STPG2: variants seen among roughly 807,000 people sequenced by gnomAD.
STPG2 encodes the protein sperm-tail PG-rich repeat-containing protein 2.
A neutral mutation model predicts 54.2 loss-of-function variants in STPG2; 56 were observed. That is an observed-to-expected ratio of 1.03 (90% CI 0.83 to 1.29). STPG2 has a LOEUF of 1.29. Ranked by LOEUF, STPG2 falls within the 50% of genes most tolerant of loss-of-function variation. The pLI is 0.00. For synonymous variants in STPG2, 200 were observed against 181.8 expected (o/e 1.10, Z -0.81); for missense variants, 596 against 544.9 (o/e 1.09, Z -0.93).
At chr4:97,798,096 G>C (rs1488060103) in intron 9 of STPG2, among the ~76,000 whole-genome samples, 1 of 151,962 alleles carries the variant, frequency 6.6e-6, no homozygotes, top group East Asian at 1.9e-4. Flanking sequence ...ACTCTTGCTA[G>C]TGGTCTATCA....
chr4:97,985,959 CACACACACACAT>C (rs1734816834), intron 5 of STPG2, among the ~76,000 whole-genome samples: 1 of 145,228 alleles, frequency 6.9e-6, no homozygotes, highest in South Asian at 2.2e-4. Flanking sequence ...AACACACACA[CACACACACACAT>C]ACACACACAC....
At chr4:97,485,286 T>C (rs1398022897) in intron 4 of STPG2, among the ~76,000 whole-genome samples, 1 of 151,750 alleles carries the variant, frequency 6.6e-6, no homozygotes, top group South Asian at 2.1e-4. Context: ...TTGCTGACGA[T>C]ATGATTGTTT....
intron 8 of STPG2, among the ~76,000 whole-genome samples, chr4:97,927,680 T>G (rs1732387063): frequency 6.6e-6 from 1 of 152,076 alleles, no homozygotes; most frequent in Admixed American, 6.6e-5. Flanking sequence ...CAGAGGAAAG[T>G]GCCATGAAAT....
intron 4 of STPG2, among the ~76,000 whole-genome samples, chr4:97,471,015 A>G (rs1729914324): frequency 6.6e-6 from 1 of 152,180 alleles, no homozygotes; most frequent in Non-Finnish European, 1.5e-5. Context: ...GTCGATGTCA[A>G]TGTTTATGAC....
At chr4:97,512,639 GA>G (rs1730995741) in intron 4 of STPG2, among the ~76,000 whole-genome samples, 2 of 151,884 alleles carry the variant, frequency 1.3e-5, no homozygotes, top group African/African-American at 4.8e-5. Context: ...CAAAAATAAA[GA>G]AAAGATAGGG....
intron 4 of STPG2, among the ~76,000 whole-genome samples, chr4:97,495,138 T>C (rs1021119001): frequency 6.6e-6 from 1 of 151,394 alleles, no homozygotes; most frequent in African/African-American, 2.4e-5. Flanking sequence ...AAAAGGCAAA[T>C]GAATTGTGAC....
At chr4:97,683,177 G>A (rs147088183) in intron 10 of STPG2, among the ~76,000 whole-genome samples, 1 of 151,872 alleles carries the variant, frequency 6.6e-6, no homozygotes, top group African/African-American at 2.4e-5. Context: ...CTCTTTTCTT[G>A]TCACATTACA....
intron 10 of STPG2, among the ~76,000 whole-genome samples, chr4:97,571,022 T>C (rs943858832): frequency 1.3e-5 from 2 of 152,128 alleles, no homozygotes; most frequent in Non-Finnish European, 2.9e-5. Context: ...TTTGTTGCCA[T>C]CTTTCTGTAA....
chr4:97,864,930 C>A lies in STPG2; in HGVS notation c.1045-23998G>T, dbSNP rs548174778. 2.1e-4 allele frequency among the ~76,000 whole-genome samples: 32 copies of A among 152,236 alleles called. No individual in the cohort carries two copies. In the East Asian group the frequency reaches 5.4e-3, roughly 26 times the overall value. ...CTGGATCCCTTCCTTACACCTTATA[C>A]AAAAATTCATTCAAGATGGATTAAA... On this transcript the variant is annotated intron_variant, in intron 8 of 10. Transcript: ENST00000295268.
chr4:97,741,221 A>T (rs1336018636), intron 9 of STPG2, among the ~76,000 whole-genome samples: 4 of 152,124 alleles, frequency 2.6e-5, no homozygotes, highest in African/African-American at 9.7e-5. Flanking sequence ...TTCAAGATGG[A>T]CTAAAGACTT....
intron 6 of STPG2, among the ~76,000 whole-genome samples, chr4:97,979,521 C>T (rs1318516611): frequency 6.6e-6 from 1 of 152,076 alleles, no homozygotes; most frequent in Non-Finnish European, 1.5e-5. Flanking sequence ...CACAGCTCTG[C>T]TTATAGAGAA....
intron 7 of STPG2, among the ~76,000 whole-genome samples, chr4:97,969,912 T>A (rs1296017580): frequency 1.3e-5 from 2 of 152,076 alleles, no homozygotes; most frequent in Admixed American, 1.3e-4. Context: ...TTTAGAAAAC[T>A]CCATCGTCTC....
intron 9 of STPG2, among the ~76,000 whole-genome samples, chr4:97,715,681 T>C (rs1724262626): frequency 6.6e-6 from 1 of 152,146 alleles, no homozygotes; most frequent in African/African-American, 2.4e-5. Context: ...ACTTTTTTCA[T>C]ATGAAGGTGA....
chr4:98,056,281 CA>C (rs1228729222), intron 5 of STPG2, among the ~76,000 whole-genome samples: 12 of 152,118 alleles, frequency 7.9e-5, no homozygotes, highest in Admixed American at 7.9e-4. Flanking sequence ...GCTCTCCAGC[CA>C]GTACCCATCC....
rs367737801 is a variant in STPG2 at position 98,050,992 on chromosome 4, G to A, written c.612+54961C>T. On this transcript the variant is annotated intron_variant, in intron 5 of 10. Transcript: ENST00000295268. ...TGCACTCCAGCCTGGGCGACACAGAGAGACTCCATCTCAAAAAAAAGAAAA... is the reference window on the plus strand; with the variant it reads ...TGCACTCCAGCCTGGGCGACACAGAAAGACTCCATCTCAAAAAAAAGAAAA... Among the ~76,000 whole-genome samples, 26 of 149,722 alleles carry A rather than the reference G, an allele frequency of 1.7e-4. 1 individual carries two copies. Among genetic ancestry groups the A allele is most frequent in the African/African-American group, 5.9e-4 (24 of 40,506 alleles).
intron 9 of STPG2, among the ~76,000 whole-genome samples, chr4:97,827,409 G>C (rs1195794617): frequency 6.6e-6 from 1 of 151,780 alleles, no homozygotes; most frequent in Non-Finnish European, 1.5e-5. Context: ...ATAATTTTTT[G>C]TATTTTTAGT....
At chr4:98,018,284 T>C (rs1736037521) in intron 5 of STPG2, among the ~76,000 whole-genome samples, 1 of 152,084 alleles carries the variant, frequency 6.6e-6, no homozygotes, top group Admixed American at 6.6e-5. Context: ...TTTTTGTCCT[T>C]GTGATAGTTT....
chr4:97,969,119 C>T (rs1304796999), intron 7 of STPG2, among the ~76,000 whole-genome samples: 1 of 152,190 alleles, frequency 6.6e-6, no homozygotes, highest in African/African-American at 2.4e-5. Flanking sequence ...GACATACTCC[C>T]TTCTGAGAAT....
At chr4:97,746,376 T>C (rs1252184893) in intron 9 of STPG2, among the ~76,000 whole-genome samples, 1 of 151,318 alleles carries the variant, frequency 6.6e-6, no homozygotes, top group Non-Finnish European at 1.5e-5. Flanking sequence ...TTCCCCTGTT[T>C]TATCCACTGA....
Sources: gnomAD v4.1 joint callset for allele counts (sites outside exome capture counted in the v4.1 genomes callset) on GRCh38, gnomAD v4.1.1 for gene constraint, MANE v1.5 for transcripts, NCBI Gene and HGNC (gene_info 2026-07-23, HGNC 2026-07-21) for gene names.